Variants in NCOA1 observed in about 807,000 individuals in gnomAD.
NCOA1 encodes Hin-2 protein.
A neutral mutation model predicts 150.9 loss-of-function variants in NCOA1; 35 were observed. The observed-to-expected ratio is 0.23, with a 90% confidence interval of 0.18 to 0.31. The LOEUF (loss-of-function observed/expected upper bound fraction) is 0.31. NCOA1 is among the 10% of genes least tolerant of loss of function. The pLI, the probability that NCOA1 is intolerant of heterozygous loss-of-function variation, is 1.00. For synonymous variants in NCOA1, 590 were observed against 630.0 expected, an observed-to-expected ratio of 0.94 and a Z score of 0.95; for missense variants, 1,491 against 1,749.3, an observed-to-expected ratio of 0.85 and a Z score of 2.63.
intron 6 of NCOA1, among the ~76,000 whole-genome samples, chr2:24,673,009 A>T (rs1368978094): frequency 6.6e-6 from 1 of 152,240 alleles, no homozygotes; most frequent in Non-Finnish European, 1.5e-5. Context: ...AGAAAGAGAA[A>T]ACTTGAAATA....
chr2:24,646,765 A>C (rs1052841331), intron 4 of NCOA1, among the ~76,000 whole-genome samples: 2 of 150,530 alleles, frequency 1.3e-5, no homozygotes, highest in Non-Finnish European at 3.0e-5. Context: ...AAGAGTTTTC[A>C]GGATAAAGTC....
chr2:24,698,673 T>C (rs1488168830), intron 11 of NCOA1, among the ~76,000 whole-genome samples: 2 of 152,240 alleles, frequency 1.3e-5, no homozygotes, highest in Non-Finnish European at 2.9e-5. Context: ...TATTCTCTAA[T>C]CTCTAGATAG....
rs189606617 is a variant in NCOA1 at position 24,695,764 on chromosome 2, A to G, written c.809-1894A>G. Among the ~76,000 whole-genome samples the G allele has an allele frequency of 3.3e-5, 5 of 152,296 alleles. No individual in the cohort carries two copies. In the East Asian group the frequency reaches 9.6e-4, roughly 29 times the overall value. On this transcript the variant is annotated intron_variant, in intron 10 of 22. Transcript: ENST00000348332. Reference sequence around the variant, plus strand: ...GTAGTAGGCAGAGTATTCTAAATCAAGCTGTTCATGATTCTTCACTAAGAT... The same window carrying G: ...GTAGTAGGCAGAGTATTCTAAATCAGGCTGTTCATGATTCTTCACTAAGAT...
chr2:24,644,200 T>G (rs1670358626), intron 4 of NCOA1, 78 bp downstream of exon 4: 1 of 152,210 alleles, frequency 6.6e-6, no homozygotes, highest in South Asian at 2.1e-4. Context: ...TGTTGACTGT[T>G]ATCTTTTATG....
chr2:24,682,300 T>C (rs1201472407), intron 7 of NCOA1, among the ~76,000 whole-genome samples: 1 of 152,246 alleles, frequency 6.6e-6, no homozygotes, highest in African/African-American at 2.4e-5. Flanking sequence ...TTCCTCGGGA[T>C]ACCAGGGTTT....
chr2:24,519,652 C>CAAAAAAA (rs1014874055), intron 1 of NCOA1, among the ~76,000 whole-genome samples: 3 of 72,310 alleles, frequency 4.1e-5, no homozygotes, highest in African/African-American at 1.1e-4. Flanking sequence ...CCTGTCTCTA[C>CAAAAAAA]AAAAAAAAAA....
chr2:24,642,037 T>TGTGTGTGCGC lies in NCOA1; in HGVS notation c.-174-1928_-174-1927insTGTGTGCGCG, dbSNP rs942145000. On this transcript the variant is annotated intron_variant, in intron 3 of 22. Transcript: ENST00000348332. ...GTGTGTGTGTGTGTGTGTGTGTGTG[T>TGTGTGTGCGC]GCGCGCGTGCGTATGTGTGTGTGTA... Among the ~76,000 whole-genome samples the TGTGTGTGCGC allele has an allele frequency of 7.8e-3, 1,075 of 138,530 alleles. 3 individuals are homozygous for TGTGTGTGCGC. Among genetic ancestry groups the TGTGTGTGCGC allele is most frequent in the Admixed American group, 0.012 (164 of 13,506 alleles). The allele number at this position is 138,530 out of a possible 152,430, so 90.9% of individuals were successfully genotyped here.
intron 19 of NCOA1, among the ~76,000 whole-genome samples, chr2:24,747,327 CTT>C (rs148901218): frequency 1.9e-4 from 23 of 120,158 alleles, no homozygotes; most frequent in East Asian, 2.3e-4. Context: ...TTATTTTTCT[CTT>C]TTTTTTTTTT....
chr2:24,704,274 T>C (rs1418658964), intron 11 of NCOA1, among the ~76,000 whole-genome samples: 1 of 152,186 alleles, frequency 6.6e-6, no homozygotes, highest in African/African-American at 2.4e-5. Flanking sequence ...AATTTGAATA[T>C]TAGTTAAGGA....
At chr2:24,703,085 A>G (rs1673241829) in intron 11 of NCOA1, among the ~76,000 whole-genome samples, 1 of 152,152 alleles carries the variant, frequency 6.6e-6, no homozygotes, top group East Asian at 1.9e-4. Flanking sequence ...TCAATACCTG[A>G]TATGTACTCC....
intron 2 of NCOA1, among the ~76,000 whole-genome samples, chr2:24,577,507 G>C (rs925414917): frequency 6.6e-6 from 1 of 152,080 alleles, no homozygotes; most frequent in African/African-American, 2.4e-5. Context: ...ACCTGTGCTT[G>C]CTTTCTTGGT....
chr2:24,740,989 A>G (rs898969552), intron 18 of NCOA1, among the ~76,000 whole-genome samples: 1 of 152,140 alleles, frequency 6.6e-6, no homozygotes, highest in Non-Finnish European at 1.5e-5. Context: ...AACTGAAACC[A>G]CTTACACTAA....
intron 3 of NCOA1, among the ~76,000 whole-genome samples, chr2:24,604,281 G>C (rs950139974): frequency 2.0e-5 from 3 of 152,184 alleles, no homozygotes; most frequent in Admixed American, 6.5e-5. Flanking sequence ...ACTGTGCACT[G>C]TCTTTACCTT....
At chr2:24,717,239 A>G (rs987625489) in intron 14 of NCOA1, among the ~76,000 whole-genome samples, 9 of 152,248 alleles carry the variant, frequency 5.9e-5, no homozygotes, top group Non-Finnish European at 1.0e-4. Context: ...TGATCCAGCA[A>G]TCACACTCCT....
Position 24,768,280 on chromosome 2 carries a change from G to A in NCOA1, c.4215G>A (p.Gly1405=), listed in dbSNP as rs141299704. 1.2e-4 allele frequency: 189 copies of A among 1,613,430 alleles called. No individual in the cohort carries two copies. The highest frequency in any genetic ancestry group is 1.5e-4 in the Admixed American group (9 of 59,946). ...AGTGTACAGTGAATCTGGTAGGCGGGGACCCTTACCTGAACCAGCCTGGTC... is the reference window on the plus strand; with the variant it reads ...AGTGTACAGTGAATCTGGTAGGCGGAGACCCTTACCTGAACCAGCCTGGTC... ...DVQCTVNLVG[G]DPYLNQPGPL... Residue 1405 remains glycine, a synonymous_variant, in exon 23 of 23, where the codon GGG becomes GGA. Transcript: ENST00000348332.
chr2:24,521,129 T>G (rs773116760), intron 1 of NCOA1, among the ~76,000 whole-genome samples: 52 of 152,236 alleles, frequency 3.4e-4, no homozygotes, highest in Non-Finnish European at 6.2e-4. Flanking sequence ...TTTATTAGAG[T>G]ATAATTGATG....
intron 3 of NCOA1, among the ~76,000 whole-genome samples, chr2:24,630,955 A>G (rs750862728): frequency 1.4e-4 from 22 of 152,208 alleles, no homozygotes; most frequent in Non-Finnish European, 2.9e-4. Context: ...TAACATTAAT[A>G]TGGATGGTTT....
chr2:24,639,971 T>G (rs1670129518), intron 3 of NCOA1, among the ~76,000 whole-genome samples: 1 of 120,212 alleles, frequency 8.3e-6, no homozygotes, highest in African/African-American at 3.4e-5. Context: ...TATATATATA[T>G]TCAGAGTATA....
At chr2:24,742,835 T>TCCC (rs146020662) in intron 19 of NCOA1, among the ~76,000 whole-genome samples, 4,915 of 152,292 alleles carry the variant, frequency 0.032, 113 homozygotes, top group East Asian at 0.11. Context: ...TTTCATTGTG[T>TCCC]GGGAGATTTT....
Sources: gnomAD v4.1 joint callset for allele counts (sites outside exome capture counted in the v4.1 genomes callset) on GRCh38, gnomAD v4.1.1 for gene constraint, MANE v1.5 for transcripts, NCBI Gene and HGNC (gene_info 2026-07-23, HGNC 2026-07-21) for gene names.